TARDBP: variants seen among roughly 807,000 people sequenced by gnomAD.
The protein encoded by TARDBP is TAR DNA-binding protein 43.
In TARDBP, 4 loss-of-function variants were observed where a neutral mutation model predicts 38.3. The ratio of observed to expected loss-of-function variants is 0.10; its 90% CI spans 0.05 to 0.24. The LOEUF (loss-of-function observed/expected upper bound fraction) is 0.24, where lower values mean the gene tolerates loss of function less well. Among genes scored for constraint, TARDBP ranks in the 10% least tolerant of loss-of-function variants. The pLI is 1.00. For synonymous variants in TARDBP, 184 were observed against 183.8 expected, an observed-to-expected ratio of 1.00 and a Z score of -0.01; for missense variants, 202 against 521.9, an observed-to-expected ratio of 0.39 and a Z score of 5.97.
At chr1:11,012,769 G>A (rs1032944115) in intron 1 of TARDBP, 26 bp downstream of exon 1, 13 of 152,340 alleles carry the variant, frequency 8.5e-5, no homozygotes, top group African/African-American at 3.1e-4. Context: ...TTCTCACTGA[G>A]GACGCCGTAG....
intron 4 of TARDBP, among the ~76,000 whole-genome samples, chr1:11,019,581 T>G (rs1292530039): frequency 6.6e-6 from 1 of 152,106 alleles, no homozygotes; most frequent in East Asian, 1.9e-4. Context: ...CTTTTTTTTT[T>G]TGAGAGAGAG....
At chr1:11,027,807 A>C (rs1335641314), downstream of TARDBP, among the ~76,000 whole-genome samples, 1 of 152,244 alleles carries the variant, frequency 6.6e-6, no homozygotes, top group East Asian at 1.9e-4. Context: ...GGCTATTTTA[A>C]AACATCACAG....
intron 3 of TARDBP, 134 bp downstream of exon 3, chr1:11,017,141 T>A: frequency 1.1e-6 from 1 of 923,390 alleles, no homozygotes; most frequent in Non-Finnish European, 1.7e-6. Context: ...GCCCATACTG[T>A]CCTCCTGCCT....
Sources: allele counts gnomAD v4.1 joint callset (sites outside exome capture counted in the v4.1 genomes callset), GRCh38; gene constraint gnomAD v4.1.1; transcripts MANE v1.5; gene names NCBI Gene and HGNC (gene_info 2026-07-23, HGNC 2026-07-21).